Variants in DZANK1 observed in about 807,000 individuals in gnomAD.
The protein encoded by DZANK1 is double zinc ribbon and ankyrin repeat-containing protein 1.
In DZANK1, 91 loss-of-function variants were observed where a neutral mutation model predicts 94.5. The ratio of observed to expected loss-of-function variants is 0.96; its 90% confidence interval spans 0.81 to 1.15. The LOEUF (loss-of-function observed/expected upper bound fraction) is 1.15, where lower values mean the gene tolerates loss of function less well. DZANK1 is among the 50% of genes most tolerant of loss of function. DZANK1 has a pLI of 0.00. For missense variants in DZANK1, 903 were observed against 916.4 expected, an observed-to-expected ratio of 0.99 and a Z score of 0.19; for synonymous variants, 312 against 325.3, an observed-to-expected ratio of 0.96 and a Z score of 0.44.
chr20:18,448,974 T>G lies in DZANK1; in HGVS notation c.629+10A>C, dbSNP rs1320312659. On this transcript the variant is annotated intron_variant, in intron 7 of 20. Transcript: ENST00000262547. The stretch of plus-strand genomic sequence containing the variant: ...GATTTAAGGCAGAGTAAAGAGAATG[T>G]GATACTTACTTGAGAAAGTCTGTCT... 1.9e-6 allele frequency: 3 copies of G among 1,605,248 alleles called. No individual in the cohort carries two copies. Among genetic ancestry groups the G allele is most frequent in the Non-Finnish European group, 2.6e-6 (3 of 1,172,162 alleles).
intron 13 of DZANK1, among the ~76,000 whole-genome samples, chr20:18,410,062 G>T (rs2057172665): frequency 1.3e-5 from 2 of 149,378 alleles, no homozygotes; most frequent in South Asian, 4.2e-4. Context: ...AAAGGGAGGT[G>T]AGTAAGAGCA....
intron 13 of DZANK1, among the ~76,000 whole-genome samples, chr20:18,407,074 C>G (rs1042316631): frequency 1.2e-4 from 19 of 152,212 alleles, no homozygotes; most frequent in Non-Finnish European, 2.5e-4. Context: ...TTTACTCTAA[C>G]CCTTGGCTCC....
chr20:18,462,392 G>A (rs1461438519), intron 2 of DZANK1, among the ~76,000 whole-genome samples: 1 of 152,072 alleles, frequency 6.6e-6, no homozygotes, highest in Non-Finnish European at 1.5e-5. Context: ...GAAGCGTAAG[G>A]AGAAGAAATA....
intron 10 of DZANK1, chr20:18,420,045 C>T (rs2057703427): frequency 6.6e-6 from 1 of 152,044 alleles, no homozygotes; most frequent in Admixed American, 6.5e-5. Flanking sequence ...ATTTAAAGTC[C>T]CTGCCCCAAA....
At chr20:18,421,548 C>T (rs542779741) in intron 10 of DZANK1, 24 of 152,296 alleles carry the variant, frequency 1.6e-4, no homozygotes, top group African/African-American at 5.8e-4. Context: ...TGAGGGTTGT[C>T]AGTTTGCATT....
At position 18,416,101 on chromosome 20, in the gene DZANK1, C is replaced by T. The variant is rs570517143; in HGVS notation, c.955-652G>A. Among the ~76,000 whole-genome samples the T allele has an allele frequency of 2.6e-5, 4 of 152,328 alleles. No individual in the cohort carries two copies. In the East Asian group the frequency reaches 5.8e-4, roughly 22 times the overall value. ...ATTCCCACACTGCCCTGCACCCTCA[C>T]GTCAGTCCCACTGTAGACCTGGGAG... On this transcript the variant is annotated intron_variant, in intron 10 of 20. Transcript: ENST00000262547.
intron 7 of DZANK1, among the ~76,000 whole-genome samples, chr20:18,444,002 C>T (rs1386020776): frequency 6.6e-6 from 1 of 152,188 alleles, no homozygotes; most frequent in Non-Finnish European, 1.5e-5. Context: ...GTTTAGCTCC[C>T]ACTCATCTAA....
chr20:18,414,362 G>A (rs756393566), exon 12 of DZANK1: 40 of 1,613,766 alleles, frequency 2.5e-5, no homozygotes, highest in African/African-American at 1.3e-5. Flanking sequence ...GAAAAAGGGC[G>A]AGGTTCCTCA....
At chr20:18,422,585 C>CATAATAA (rs2057834262) in intron 10 of DZANK1, among the ~76,000 whole-genome samples, 4 of 152,158 alleles carry the variant, frequency 2.6e-5, no homozygotes, top group Non-Finnish European at 5.9e-5. Context: ...AAATTACCTT[C>CATAATAA]AGGCCATTTG....
In DZANK1 at chr20:18,433,637, A is replaced by G; in HGVS notation, c.861+15T>C. 2 of 1,609,462 alleles carry G rather than the reference A, an allele frequency of 1.2e-6. No homozygotes were observed. The highest frequency in any genetic ancestry group is 2.7e-5 in the African/African-American group (2 of 74,992). ...TGTATTTCATTCATGTTTTTACAGAATCACATTTCATTACCTTCAAGTGGA... is the reference window on the plus strand; with the variant it reads ...TGTATTTCATTCATGTTTTTACAGAGTCACATTTCATTACCTTCAAGTGGA... On this transcript the variant is annotated intron_variant, in intron 9 of 20. Transcript: ENST00000262547.
At chr20:18,405,753 T>C (rs923278106) in intron 13 of DZANK1, among the ~76,000 whole-genome samples, 1 of 152,204 alleles carries the variant, frequency 6.6e-6, no homozygotes, top group Non-Finnish European at 1.5e-5. Context: ...TCACAATACC[T>C]GGTTTTAACT....
chr20:18,427,014 A>G, intron 10 of DZANK1, 53 bp downstream of exon 10: 3 of 1,327,986 alleles, frequency 2.3e-6, no homozygotes, highest in Non-Finnish European at 3.2e-6. Flanking sequence ...TATTATCATT[A>G]ACATTGACAT....
chr20:18,391,535 G>A (rs914620733), intron 17 of DZANK1, among the ~76,000 whole-genome samples: 1 of 152,114 alleles, frequency 6.6e-6, no homozygotes, highest in African/African-American at 2.4e-5. Context: ...GCCTGGCTGA[G>A]TAACTTATCT....
intron 13 of DZANK1, among the ~76,000 whole-genome samples, chr20:18,400,273 C>T (rs886948311): frequency 6.6e-6 from 1 of 152,108 alleles, no homozygotes; most frequent in Non-Finnish European, 1.5e-5. Context: ...GAAGGAAGAA[C>T]GAATGTGTTA....
intron 10 of DZANK1, among the ~76,000 whole-genome samples, chr20:18,424,472 A>C (rs555166417): frequency 1.3e-4 from 19 of 148,402 alleles, no homozygotes; most frequent in East Asian, 7.8e-4. Flanking sequence ...ACAACAACAA[A>C]AAAAAAAAAA....
intron 8 of DZANK1, among the ~76,000 whole-genome samples, chr20:18,436,854 A>G (rs1250271266): frequency 1.3e-5 from 2 of 152,214 alleles, no homozygotes; most frequent in East Asian, 1.9e-4. Context: ...ATCAAAAACA[A>G]TGGAGGGCAA....
intron 7 of DZANK1, 118 bp downstream of exon 7, chr20:18,448,866 C>CA (rs1204337584): frequency 0.036 from 16,678 of 469,738 alleles, 56 homozygotes; most frequent in East Asian, 0.057. Flanking sequence ...GACTCCGTCT[C>CA]AAAAAAAAAA....
At chr20:18,458,550 A>G (rs1417213080) in intron 3 of DZANK1, among the ~76,000 whole-genome samples, 1 of 152,240 alleles carries the variant, frequency 6.6e-6, no homozygotes, top group Non-Finnish European at 1.5e-5. Context: ...AAATCTGGTT[A>G]CAGATATAGA....
exon 2 of DZANK1, chr20:18,465,313 C>T (rs1452253128): frequency 3.1e-6 from 5 of 1,612,116 alleles, no homozygotes; most frequent in Non-Finnish European, 4.2e-6. Context: ...GGCTGAGGCA[C>T]TCGTAATGGT....
Sources: gnomAD v4.1 joint callset for allele counts (sites outside exome capture counted in the v4.1 genomes callset) on GRCh38, gnomAD v4.1.1 for gene constraint, MANE v1.5 for transcripts, NCBI Gene and HGNC (gene_info 2026-07-23, HGNC 2026-07-21) for gene names.